Variants in DLGAP2 observed in about 807,000 individuals in gnomAD.
The protein encoded by DLGAP2 is DLG associated protein 2.
In DLGAP2, 26 loss-of-function variants were observed where a neutral mutation model predicts 100.3. The observed-to-expected ratio is 0.26, with a 90% CI of 0.19 to 0.36. The LOEUF (loss-of-function observed/expected upper bound fraction) is 0.36. Ranked by LOEUF, DLGAP2 falls within the 10% of genes least tolerant of loss-of-function variation. The pLI is 1.00. For missense variants in DLGAP2, 1,858 were observed against 1,453.2 expected (o/e 1.28, Z -4.53); for synonymous variants, 886 against 630.1 (o/e 1.41, Z -6.08).
In DLGAP2 at chr8:1,485,733, T is replaced by G. The variant is rs534393954; in HGVS notation, c.107-15633T>G. Among the ~76,000 whole-genome samples, 6 of 152,234 alleles carry G rather than the reference T, an allele frequency of 3.9e-5. No homozygotes were observed. In the South Asian group the frequency reaches 1.2e-3, roughly 32 times the overall value. ...AAGGGCCCAGGGAGGTCATAGAAGG[T>G]CAGTCATCAGGCTGAGCATGGTGGC... On this transcript the variant is annotated intron_variant, in intron 3 of 14. Coordinates refer to ENST00000637795, the MANE Select transcript of DLGAP2 (RefSeq NM_001346810.2).
intron 3 of DLGAP2, among the ~76,000 whole-genome samples, chr8:1,357,745 G>A (rs545610278): frequency 6.6e-6 from 1 of 152,214 alleles, no homozygotes; most frequent in Non-Finnish European, 1.5e-5. Flanking sequence ...CCTCCAGCAA[G>A]CGCTGTGTTC....
intron 3 of DLGAP2, among the ~76,000 whole-genome samples, chr8:1,489,050 CT>C (rs1460376845): frequency 2.0e-5 from 3 of 152,184 alleles, no homozygotes; most frequent in African/African-American, 4.8e-5. Flanking sequence ...CATGGTCCAA[CT>C]TCTTTAAGGA....
intron 2 of DLGAP2, among the ~76,000 whole-genome samples, chr8:1,148,970 A>G (rs764572152): frequency 6.6e-6 from 1 of 152,164 alleles, no homozygotes; most frequent in Non-Finnish European, 1.5e-5. Flanking sequence ...TTTAAATCTT[A>G]TATTTTCGGA....
At chr8:1,581,217 G>C (rs1315197479) in intron 6 of DLGAP2, among the ~76,000 whole-genome samples, 1 of 149,750 alleles carries the variant, frequency 6.7e-6, no homozygotes, top group Admixed American at 6.6e-5. Flanking sequence ...ACTACCAGAA[G>C]TGAAGGATAC....
chr8:932,850 T>A (rs1490256224), intron 2 of DLGAP2, among the ~76,000 whole-genome samples: 1 of 152,242 alleles, frequency 6.6e-6, no homozygotes, highest in East Asian at 1.9e-4. Flanking sequence ...GAAGAAATGT[T>A]GATAACCAAC....
intron 2 of DLGAP2, among the ~76,000 whole-genome samples, chr8:1,192,021 T>A (rs61119925): frequency 0.051 from 7,817 of 152,256 alleles, 524 homozygotes; most frequent in African/African-American, 0.16. Flanking sequence ...CCGGTTACCT[T>A]GTATGACTGG....
intron 3 of DLGAP2, among the ~76,000 whole-genome samples, chr8:1,473,865 T>TCACCTTC (rs1429921007): frequency 6.6e-6 from 1 of 152,170 alleles, no homozygotes; most frequent in Admixed American, 6.5e-5. Flanking sequence ...GACCTGCCTT[T>TCACCTTC]CACCTTCCAC....
At chr8:1,486,897 T>A (rs1167462076) in intron 3 of DLGAP2, among the ~76,000 whole-genome samples, 1 of 152,160 alleles carries the variant, frequency 6.6e-6, no homozygotes, top group Admixed American at 6.5e-5. Context: ...CTGGAACGTT[T>A]GTCTCCACGT....
intron 2 of DLGAP2, among the ~76,000 whole-genome samples, chr8:1,063,681 A>G (rs545980493): frequency 2.6e-5 from 4 of 152,296 alleles, no homozygotes; most frequent in Admixed American, 6.5e-5. Flanking sequence ...CCTGTTATCA[A>G]TGACCAAAAT....
At chr8:1,373,111 G>A (rs539175209) in intron 3 of DLGAP2, among the ~76,000 whole-genome samples, 1 of 151,798 alleles carries the variant, frequency 6.6e-6, no homozygotes, top group Non-Finnish European at 1.5e-5. Context: ...CTCCGTGCCT[G>A]GGGGGGCGCC....
chr8:950,019 A>G (rs1217518772), intron 2 of DLGAP2, among the ~76,000 whole-genome samples: 1 of 152,174 alleles, frequency 6.6e-6, no homozygotes, highest in Non-Finnish European at 1.5e-5. Context: ...AAATCGCTGC[A>G]ATGTGTCCCG....
At chr8:1,570,749 G>C (rs1465273340) in intron 6 of DLGAP2, among the ~76,000 whole-genome samples, 1 of 147,228 alleles carries the variant, frequency 6.8e-6, no homozygotes, top group Non-Finnish European at 1.5e-5. Flanking sequence ...TTCTGGGATG[G>C]AGAGGAGAGG....
chr8:1,029,517 C>T (rs998892106), intron 2 of DLGAP2, among the ~76,000 whole-genome samples: 4 of 151,368 alleles, frequency 2.6e-5, no homozygotes, highest in South Asian at 4.2e-4. Context: ...CCAGCGGTGC[C>T]GAGAGGTTCG....
chr8:1,327,956 G>C (rs1241570976), intron 3 of DLGAP2, among the ~76,000 whole-genome samples: 1 of 152,158 alleles, frequency 6.6e-6, no homozygotes, highest in East Asian at 1.9e-4. Flanking sequence ...TTGCTGGTTT[G>C]TGTCTTTGGG....
At chr8:1,618,669 C>G (rs1395039246) in intron 6 of DLGAP2, among the ~76,000 whole-genome samples, 1 of 152,198 alleles carries the variant, frequency 6.6e-6, no homozygotes, top group Non-Finnish European at 1.5e-5. Flanking sequence ...CTAATCGGGA[C>G]AGTGTGATAT....
At chr8:785,115 G>A (rs1371484468) in intron 1 of DLGAP2, among the ~76,000 whole-genome samples, 1 of 151,170 alleles carries the variant, frequency 6.6e-6, no homozygotes, top group Admixed American at 6.6e-5. Context: ...TACTAGGGAG[G>A]CTGAGGCAGG....
chr8:835,735 T>C (rs1563055997), intron 1 of DLGAP2, among the ~76,000 whole-genome samples: 1 of 152,184 alleles, frequency 6.6e-6, no homozygotes, highest in Non-Finnish European at 1.5e-5. Context: ...TCTGAAATAC[T>C]TAGTTATTAA....
intron 3 of DLGAP2, among the ~76,000 whole-genome samples, chr8:1,315,042 G>A (rs1328213330): frequency 3.3e-5 from 5 of 152,228 alleles, no homozygotes; most frequent in Admixed American, 6.5e-5. Context: ...GCTCCGTGGC[G>A]GTGGTTTTCT....
intron 4 of DLGAP2, among the ~76,000 whole-genome samples, chr8:1,527,201 T>C (rs1478299950): frequency 1.3e-5 from 2 of 152,238 alleles, no homozygotes; most frequent in Non-Finnish European, 2.9e-5. Flanking sequence ...CACCTCGTCC[T>C]CTTGTCCAGG....
Sources: gnomAD v4.1 joint callset for allele counts (sites outside exome capture counted in the v4.1 genomes callset) on GRCh38, gnomAD v4.1.1 for gene constraint, MANE v1.5 for transcripts, NCBI Gene and HGNC (gene_info 2026-07-23, HGNC 2026-07-21) for gene names.